The following BTNL8 variants were observed in gnomAD, a reference collection of about 807,000 sequenced individuals.
The protein encoded by BTNL8 is butyrophilin like 8.
BTNL8 carries 22 observed loss-of-function variants against 36.1 expected under a neutral mutation model. The observed-to-expected ratio is 0.61, with a 90% confidence interval of 0.44 to 0.87. The LOEUF is 0.87. Ranked by LOEUF, BTNL8 falls within the 40% of genes least tolerant of loss-of-function variation. The pLI, the probability that BTNL8 is intolerant of heterozygous loss-of-function variation, is 0.00. For missense variants in BTNL8, 526 were observed against 616.9 expected (o/e 0.85, Z 1.56); for synonymous variants, 203 against 235.6 (o/e 0.86, Z 1.27).
chr5:180,932,877 T>C (rs1758464598), intron 3 of BTNL8, among the ~76,000 whole-genome samples: 1 of 152,074 alleles, frequency 6.6e-6, no homozygotes, highest in South Asian at 2.1e-4. Context: ...TTAAAATACA[T>C]AGACTGGCTG....
intron 1 of BTNL8, chr5:180,902,400 A>G: frequency 1.3e-6 from 2 of 1,550,612 alleles, no homozygotes; most frequent in Non-Finnish European, 1.7e-6. Flanking sequence ...GTCAAATGTA[A>G]GGAGATACAC....
chr5:180,906,662 G>A lies in BTNL8; in HGVS notation c.50-1924G>A, dbSNP rs529389539. Among the ~76,000 whole-genome samples, 23 of 117,134 alleles carry A rather than the reference G, an allele frequency of 2.0e-4. 2 individuals carry two copies. Among genetic ancestry groups the A allele is most frequent in the Middle Eastern group, 3.9e-3 (1 of 258 alleles). The allele number at this position is 117,134 out of a possible 152,430, so 76.8% of individuals were successfully genotyped here. A position where few individuals can be genotyped will look rare whatever the true frequency, so the allele number is the denominator to read the frequency against. Reference sequence around the variant, plus strand: ...GCATGATTTTGCAGTGGCTGGTACCGGTTGTTCCTTTCCATGTTTAGTGCT... The same window carrying A: ...GCATGATTTTGCAGTGGCTGGTACCAGTTGTTCCTTTCCATGTTTAGTGCT... On this transcript the variant is annotated intron_variant, in intron 1 of 7. Coordinates refer to ENST00000340184, the MANE Select transcript of BTNL8 (RefSeq NM_001040462.3).
chr5:180,908,587 G>A lies in BTNL8; in HGVS notation c.51G>A (p.Gly17=). 2 of 1,613,546 alleles carry A rather than the reference G, an allele frequency of 1.2e-6. No individual in the cohort carries two copies. Among genetic ancestry groups the A allele is most frequent in the Non-Finnish European group, 1.7e-6 (2 of 1,179,528 alleles). Residue 17 remains glycine, a splice_region_variant and synonymous_variant, in exon 2 of 8, where the codon GGG becomes GGA. Transcript: ENST00000340184. The stretch of plus-strand genomic sequence containing the variant: ...TATCTTTTGTATGTCTTCCCACAGG[G>A]CAGTGGCAGGTGTTTGGGCCAGACA... ...LVLSLLKLGS[G]QWQVFGPDKP...
At chr5:180,907,738 G>A (rs1757153404) in intron 1 of BTNL8, among the ~76,000 whole-genome samples, 3 of 152,236 alleles carry the variant, frequency 2.0e-5, no homozygotes, top group African/African-American at 4.8e-5. Flanking sequence ...CCTTCTAACA[G>A]AGAGGACCCT....
Position 180,911,584 on chromosome 5 carries a change from C to A in BTNL8, c.643C>A (p.Arg215=). 6.2e-7 allele frequency: 1 copy of A among 1,613,348 alleles called. No individual in the cohort carries two copies. Among genetic ancestry groups the A allele is most frequent in the Non-Finnish European group, 8.5e-7 (1 of 1,179,670 alleles). ...SCSMRHAHLS[R]EVESRVQIGD... ...TTCCATGCGGCATGCTCATCTGAGC[C>A]GAGAGGTGGAATCCAGGGTACAGAT... The change falls in exon 3 of 8, where the codon CGA becomes AGA. Residue 215 remains arginine (R), a synonymous_variant. Transcript: ENST00000340184.
intron 4 of BTNL8, chr5:180,948,017 C>A: frequency 3.0e-6 from 2 of 663,606 alleles, no homozygotes; most frequent in South Asian, 2.1e-5. Flanking sequence ...AGACTTTTCA[C>A]CCCCAAAACC....
At chr5:180,916,529 AAT>A (rs1757635768) in intron 3 of BTNL8, among the ~76,000 whole-genome samples, 3 of 152,138 alleles carry the variant, frequency 2.0e-5, no homozygotes. Flanking sequence ...AATAAAACTA[AAT>A]GTTGTTTATT....
chr5:180,908,862 C>G lies in BTNL8; in HGVS notation c.326C>G (p.Ala109Gly). The stretch of plus-strand genomic sequence containing the variant: ...CTGGAAAACATTACTGTGTTGGATG[C>G]TGGCCTCTATGGGTGCAGGATTAGT... ...LRLENITVLD[A>G]GLYGCRISSQ... Residue 109 changes from alanine to glycine, a missense_variant, in exon 2 of 8, where the codon GCT becomes GGT. Physicochemically the swap from Ala to Gly is moderately conservative, Grantham distance 60. Around this residue, in one of 2 missense-constraint regions of BTNL8, gnomAD observed 350 missense variants for 324.6 expected, o/e 1.08. Coordinates refer to ENST00000340184, the MANE Select transcript of BTNL8 (RefSeq NM_001040462.3). 3 of 1,614,208 alleles carry G rather than the reference C, an allele frequency of 1.9e-6. No homozygotes were observed. Among genetic ancestry groups the G allele is most frequent in the Non-Finnish European group, 2.5e-6 (3 of 1,180,036 alleles).
At chr5:180,921,123 A>C (rs541747207) in intron 3 of BTNL8, among the ~76,000 whole-genome samples, 1 of 152,232 alleles carries the variant, frequency 6.6e-6, no homozygotes, top group East Asian at 1.9e-4. Flanking sequence ...AGTGTACAAA[A>C]TTATATAAAA....
intron 1 of BTNL8, 115 bp downstream of exon 1, chr5:180,899,474 C>T: frequency 8.3e-7 from 1 of 1,202,196 alleles, no homozygotes; most frequent in Non-Finnish European, 1.2e-6. Flanking sequence ...TTTGGCTTCT[C>T]CTAGCCTCAG....
chr5:180,916,178 G>A (rs1412846218), intron 3 of BTNL8, among the ~76,000 whole-genome samples: 1 of 152,182 alleles, frequency 6.6e-6, no homozygotes, highest in East Asian at 1.9e-4. Flanking sequence ...ACGAGGGCAG[G>A]ATCCTCATGG....
chr5:180,936,917 G>C (rs1166653383), intron 3 of BTNL8, among the ~76,000 whole-genome samples: 1 of 152,192 alleles, frequency 6.6e-6, no homozygotes, highest in African/African-American at 2.4e-5. Context: ...AGCCTGCCCA[G>C]CATCTGCTCC....
chr5:180,930,801 G>T (rs1393310928), intron 3 of BTNL8, among the ~76,000 whole-genome samples: 1 of 152,080 alleles, frequency 6.6e-6, no homozygotes, highest in African/African-American at 2.4e-5. Flanking sequence ...CTGCTCAAAG[G>T]AAATAAGAGA....
At chr5:180,927,746 A>G (rs1758170245) in intron 3 of BTNL8, among the ~76,000 whole-genome samples, 1 of 152,240 alleles carries the variant, frequency 6.6e-6, no homozygotes, top group African/African-American at 2.4e-5. Flanking sequence ...ACTGAAGATC[A>G]GCTTAATGAA....
At chr5:180,924,628 C>T (rs1253601012) in intron 3 of BTNL8, among the ~76,000 whole-genome samples, 1 of 152,166 alleles carries the variant, frequency 6.6e-6, no homozygotes, top group Non-Finnish European at 1.5e-5. Flanking sequence ...TACCAGTTGG[C>T]CTATTCAGAA....
intron 3 of BTNL8, among the ~76,000 whole-genome samples, chr5:180,927,164 A>G (rs1005798184): frequency 6.6e-6 from 1 of 152,186 alleles, no homozygotes; most frequent in Non-Finnish European, 1.5e-5. Context: ...CCCTCCGCTG[A>G]TGATACCCAA....
intron 2 of BTNL8, chr5:180,909,416 A>C (rs1410735014): frequency 5.2e-6 from 2 of 383,914 alleles, no homozygotes; most frequent in Non-Finnish European, 7.1e-6. Flanking sequence ...TTTATTTTTA[A>C]ATTAACAAAT....
At chr5:180,941,159 A>G in intron 3 of BTNL8, among the ~76,000 whole-genome samples, 1 of 151,158 alleles carries the variant, frequency 6.6e-6, no homozygotes, top group Non-Finnish European at 1.5e-5. Context: ...GAAGGAGAGA[A>G]AGAAAGAACT....
At chr5:180,948,556 A>C in intron 5 of BTNL8, 181 bp downstream of exon 5, 1 of 1,557,972 alleles carries the variant, frequency 6.4e-7, no homozygotes, top group Non-Finnish European at 8.7e-7. Context: ...GGACATCTGG[A>C]GGGCTTAGGA....
Sources: allele counts gnomAD v4.1 joint callset (sites outside exome capture counted in the v4.1 genomes callset), GRCh38; gene constraint gnomAD v4.1.1; regional missense constraint gnomAD v4.1.1; transcripts MANE v1.5; gene names NCBI Gene and HGNC (gene_info 2026-07-23, HGNC 2026-07-21).